The following GRK3 variants were observed in gnomAD, a reference collection of about 807,000 sequenced individuals.
GRK3 encodes the protein G protein-coupled receptor kinase 3, also known as adrenergic, beta, receptor kinase 2.
A neutral mutation model predicts 95.7 loss-of-function variants in GRK3; 54 were observed. The observed-to-expected ratio is 0.56, with a 90% CI of 0.45 to 0.71. The LOEUF is 0.71. Among genes scored for constraint, GRK3 ranks in the 30% least tolerant of loss-of-function variants. The probability of loss-of-function intolerance (pLI) is 0.00; values close to 1 mark genes in which losing one functional copy is unlikely to be tolerated. For synonymous variants in GRK3, 281 were observed against 290.8 expected (o/e 0.97, Z 0.34); for missense variants, 649 against 851.2 (o/e 0.76, Z 2.96).
chr22:25,678,266 A>G (rs2085047678), intron 8 of GRK3, among the ~76,000 whole-genome samples: 1 of 152,152 alleles, frequency 6.6e-6, no homozygotes. Context: ...CATCCTGGCT[A>G]ACACGGTGAA....
rs1412350605 is a variant in GRK3, at chr22:25,727,902, TTTA to T, written c.*5455_*5457del. 6.6e-6 allele frequency: 1 copy of T among 152,188 alleles called. No individual in the cohort carries two copies. Among genetic ancestry groups the T allele is most frequent in the Non-Finnish European group, 1.5e-5 (1 of 68,034 alleles). 9.4% of individuals were successfully genotyped at this position (152,188 alleles called of 1,614,324 possible). A position where few individuals can be genotyped will look rare whatever the true frequency, so the allele number is the denominator to read the frequency against. On this transcript the variant is annotated 3_prime_UTR_variant, in exon 21 of 21. Coordinates refer to ENST00000324198, the MANE Select transcript of GRK3 (RefSeq NM_005160.4). Reference sequence around the variant, plus strand: ...GCTCAACACTGGCCATTTTTTTAGTTTTATTGTTAAATGGTATTTTTCTATGTT... The same window carrying T: ...GCTCAACACTGGCCATTTTTTTAGTTTTGTTAAATGGTATTTTTCTATGTT...
At chr22:25,643,065 A>G (rs2084754972) in intron 2 of GRK3, among the ~76,000 whole-genome samples, 1 of 152,256 alleles carries the variant, frequency 6.6e-6, no homozygotes, top group Admixed American at 6.5e-5. Context: ...CACGGATCAA[A>G]GAAGAAATGA....
intron 2 of GRK3, among the ~76,000 whole-genome samples, chr22:25,613,169 A>G (rs1262708405): frequency 4.0e-5 from 6 of 151,376 alleles, no homozygotes; most frequent in Admixed American, 6.6e-5. Flanking sequence ...GCCGTCTTGC[A>G]TAAGGTTGTA....
chr22:25,655,341 C>A (rs1014433744), intron 3 of GRK3, among the ~76,000 whole-genome samples: 3 of 152,160 alleles, frequency 2.0e-5, no homozygotes, highest in Non-Finnish European at 2.9e-5. Context: ...CAGCATTCCC[C>A]AAATCCAAGC....
intron 18 of GRK3, among the ~76,000 whole-genome samples, chr22:25,717,390 C>A (rs1405371529): frequency 6.6e-6 from 1 of 152,134 alleles, no homozygotes; most frequent in Non-Finnish European, 1.5e-5. Context: ...CCTCCCTCTC[C>A]TTTGTTCTTT....
intron 2 of GRK3, among the ~76,000 whole-genome samples, chr22:25,618,026 G>A (rs1371553947): frequency 6.6e-6 from 1 of 152,226 alleles, no homozygotes; most frequent in Non-Finnish European, 1.5e-5. Flanking sequence ...ACCTGCCTTG[G>A]CCTCCCAAAG....
intron 2 of GRK3, among the ~76,000 whole-genome samples, chr22:25,618,875 G>A (rs1367063794): frequency 6.6e-6 from 1 of 152,100 alleles, no homozygotes; most frequent in Non-Finnish European, 1.5e-5. Flanking sequence ...TCTAGGCCAA[G>A]AGCCAGCTCA....
At chr22:25,667,851 C>A in intron 6 of GRK3, 51 bp downstream of exon 6, 1 of 1,058,252 alleles carries the variant, frequency 9.4e-7, no homozygotes, top group Non-Finnish European at 1.5e-6. Context: ...TGTACGTGTA[C>A]CTCATCTTAT....
chr22:25,718,159 A>G (rs976744149), intron 18 of GRK3, 86 bp from the exon 19 acceptor site: 11 of 1,448,158 alleles, frequency 7.6e-6, no homozygotes, highest in Admixed American at 2.1e-5. Flanking sequence ...TCCAAAAAGC[A>G]TGTCTGTTCT....
intron 2 of GRK3, among the ~76,000 whole-genome samples, chr22:25,605,010 A>G (rs558652334): frequency 3.0e-4 from 46 of 152,358 alleles, no homozygotes; most frequent in African/African-American, 1.1e-3. Context: ...TCTGATTCCC[A>G]GTTCTCCTTC....
chr22:25,586,603 G>C (rs1399310504), intron 1 of GRK3, among the ~76,000 whole-genome samples: 1 of 152,290 alleles, frequency 6.6e-6, no homozygotes, highest in Non-Finnish European at 1.5e-5. Flanking sequence ...AGGTGGGAGG[G>C]CTCACCTCTG....
intron 2 of GRK3, among the ~76,000 whole-genome samples, chr22:25,608,779 T>C (rs1003768671): frequency 6.6e-6 from 1 of 152,230 alleles, no homozygotes; most frequent in African/African-American, 2.4e-5. Context: ...GAATTTGTCC[T>C]GGTGAGACCC....
At chr22:25,710,105 C>A in intron 16 of GRK3, 141 bp downstream of exon 16, 1 of 704,812 alleles carries the variant, frequency 1.4e-6, no homozygotes, top group Non-Finnish European at 2.6e-6. Flanking sequence ...CCACCCACCT[C>A]CCCCAGCATC....
At chr22:25,588,778 T>A (rs573888271) in intron 1 of GRK3, among the ~76,000 whole-genome samples, 2 of 151,038 alleles carry the variant, frequency 1.3e-5, no homozygotes, top group South Asian at 4.2e-4. Context: ...TCATTAATTT[T>A]TTTTTTTTTT....
intron 8 of GRK3, among the ~76,000 whole-genome samples, chr22:25,674,959 A>G (rs982894222): frequency 2.0e-5 from 3 of 151,934 alleles, no homozygotes; most frequent in African/African-American, 7.3e-5. Flanking sequence ...AAAAAAAAAA[A>G]GCTGTATTTT....
intron 2 of GRK3, among the ~76,000 whole-genome samples, chr22:25,611,109 A>C (rs542598527): frequency 2.0e-5 from 3 of 151,970 alleles, no homozygotes; most frequent in South Asian, 4.2e-4. Flanking sequence ...CCATCTACTC[A>C]CCTCAGTCTC....
chr22:25,576,498 G>A (rs907367935), intron 1 of GRK3, among the ~76,000 whole-genome samples: 7 of 152,206 alleles, frequency 4.6e-5, no homozygotes, highest in Non-Finnish European at 1.0e-4. Flanking sequence ...TTTGTGTTAT[G>A]TATTGATTTA....
intron 1 of GRK3, among the ~76,000 whole-genome samples, chr22:25,576,037 G>A (rs1466101203): frequency 2.0e-5 from 3 of 152,304 alleles, no homozygotes; most frequent in East Asian, 3.9e-4. Flanking sequence ...CTAAGTGAGA[G>A]CCTCCCCCTC....
intron 1 of GRK3, 37 bp from the exon 2 acceptor site, chr22:25,604,340 G>C (rs766563609): frequency 1.3e-6 from 2 of 1,482,116 alleles, no homozygotes; most frequent in Non-Finnish European, 1.9e-6. Flanking sequence ...CACGATGTAG[G>C]CTGTATTGTT....
Sources: gnomAD v4.1 joint callset for allele counts (sites outside exome capture counted in the v4.1 genomes callset) on GRCh38, gnomAD v4.1.1 for gene constraint, MANE v1.5 for transcripts, NCBI Gene and HGNC (gene_info 2026-07-23, HGNC 2026-07-21) for gene names.